The following BANK1 variants were observed in gnomAD, a reference collection of about 807,000 sequenced individuals.
BANK1 encodes B-cell scaffold protein with ankyrin repeats.
A neutral mutation model predicts 94.5 loss-of-function variants in BANK1; 95 were observed. The observed-to-expected ratio is 1.00, with a 90% CI of 0.85 to 1.19. The LOEUF (loss-of-function observed/expected upper bound fraction) is 1.19, where lower values mean the gene tolerates loss of function less well. Among genes scored for constraint, BANK1 ranks in the 50% most tolerant of loss-of-function variants. BANK1 has a pLI of 0.00. For synonymous variants in BANK1, 334 were observed against 308.4 expected, an observed-to-expected ratio of 1.08 and a Z score of -0.87; for missense variants, 987 against 932.2, an observed-to-expected ratio of 1.06 and a Z score of -0.77.
chr4:101,886,475 T>C (rs1728860373), intron 5 of BANK1, among the ~76,000 whole-genome samples: 1 of 152,244 alleles, frequency 6.6e-6, no homozygotes, highest in Non-Finnish European at 1.5e-5. Context: ...AATCATGGCA[T>C]CATTTATAGA....
chr4:101,829,387 C>G (rs1458687713), intron 1 of BANK1, among the ~76,000 whole-genome samples: 1 of 151,544 alleles, frequency 6.6e-6, no homozygotes, highest in Non-Finnish European at 1.5e-5. Context: ...ATCGTATTTT[C>G]AACAATTGTG....
At chr4:102,067,573 A>ATATT (rs1728634963) in intron 13 of BANK1, among the ~76,000 whole-genome samples, 1 of 152,044 alleles carries the variant, frequency 6.6e-6, no homozygotes. Flanking sequence ...ATAAACAAGG[A>ATATT]TATTACATAC....
chr4:101,979,284 G>A (rs1345998886), intron 7 of BANK1, among the ~76,000 whole-genome samples: 1 of 151,746 alleles, frequency 6.6e-6, no homozygotes, highest in African/African-American at 2.4e-5. Flanking sequence ...GTTTAAAATT[G>A]TATAACATTA....
chr4:101,943,438 G>A (rs1269111294), intron 7 of BANK1, among the ~76,000 whole-genome samples: 1 of 151,844 alleles, frequency 6.6e-6, no homozygotes, highest in Non-Finnish European at 1.5e-5. Context: ...AGTCCAGCCA[G>A]AGAGGCATTA....
chr4:102,073,612 A>G, intron 15 of BANK1, 72 bp from the exon 16 acceptor site: 1 of 1,389,928 alleles, frequency 7.2e-7, no homozygotes, highest in Admixed American at 1.9e-5. Flanking sequence ...TAACTTTGTC[A>G]TATTTCTTTG....
intron 3 of BANK1, 51 bp downstream of exon 3, chr4:101,855,240 G>A (rs371072186): frequency 3.1e-4 from 481 of 1,537,176 alleles, no homozygotes; most frequent in Non-Finnish European, 4.0e-4. Context: ...TTATGGTGGT[G>A]GTGGTGGTTG....
chr4:101,928,668 T>G (rs535463029), intron 7 of BANK1, among the ~76,000 whole-genome samples: 1 of 151,834 alleles, frequency 6.6e-6, no homozygotes, highest in Non-Finnish European at 1.5e-5. Flanking sequence ...AATGGGTAAC[T>G]GCATAGACTT....
At position 101,830,027 on chromosome 4, in the gene BANK1, A is replaced by G. The variant is rs1726549523; in HGVS notation, c.290A>G (p.Lys97Arg). 6 of 1,613,494 alleles carry G rather than the reference A, an allele frequency of 3.7e-6. No individual in the cohort carries two copies. The highest frequency in any genetic ancestry group is 4.2e-6 in the Non-Finnish European group (5 of 1,179,826). The change falls in exon 2 of 17, where the codon AAA becomes AGA. Residue 97 changes from lysine to arginine, a missense_variant. Transcript: ENST00000322953. ...NSLLRDLTPK[K>R]CQFLEKILHS... ...CTGCTTAGAGACCTAACTCCAAAGA[A>G]ATGTCAGTTTCTGGAAAAGATACTT...
intron 2 of BANK1, among the ~76,000 whole-genome samples, chr4:101,852,276 T>C (rs913644203): frequency 6.6e-6 from 1 of 151,692 alleles, no homozygotes; most frequent in Non-Finnish European, 1.5e-5. Context: ...ATCTTCATCA[T>C]TTCATTCCTC....
At chr4:101,802,939 C>T (rs1165876728) in intron 1 of BANK1, among the ~76,000 whole-genome samples, 1 of 152,000 alleles carries the variant, frequency 6.6e-6, no homozygotes, top group Non-Finnish European at 1.5e-5. Context: ...TTGCCCAAAC[C>T]GTGTTCTGTA....
In BANK1 at chr4:101,895,426, C is replaced by G. The variant is rs765097400; in HGVS notation, c.1009+16C>G. ...CAAAACAAATGTGAGTATTTTCCAG[C>G]TGCATCAATTATTCTTTTTATCACA... On this transcript the variant is annotated intron_variant, in intron 6 of 16. Coordinates refer to ENST00000322953, the MANE Select transcript of BANK1 (RefSeq NM_017935.5). 1.4e-6 allele frequency: 2 copies of G among 1,409,484 alleles called. No homozygotes were observed. The highest frequency in any genetic ancestry group is 1.8e-5 in the Admixed American group (1 of 56,040). The allele number at this position is 1,409,484 out of a possible 1,614,324, so 87.3% of individuals were successfully genotyped here. A position where few individuals can be genotyped will look rare whatever the true frequency, so the allele number is the denominator to read the frequency against.
At chr4:101,962,696 T>C (rs1724611532) in intron 7 of BANK1, among the ~76,000 whole-genome samples, 1 of 152,140 alleles carries the variant, frequency 6.6e-6, no homozygotes, top group Non-Finnish European at 1.5e-5. Context: ...CCTTAACCAA[T>C]TAAAACCATG....
At chr4:102,013,628 G>A (rs1726591055) in intron 7 of BANK1, among the ~76,000 whole-genome samples, 1 of 151,802 alleles carries the variant, frequency 6.6e-6, no homozygotes, top group Non-Finnish European at 1.5e-5. Context: ...CATCTGTCAG[G>A]TGTGATTTCT....
intron 11 of BANK1, among the ~76,000 whole-genome samples, chr4:102,058,354 C>T (rs1158141312): frequency 1.3e-5 from 2 of 151,992 alleles, no homozygotes; most frequent in African/African-American, 4.8e-5. Context: ...TACCTTAAAG[C>T]TTTTACACTA....
At chr4:101,800,134 G>A (rs1183285664) in intron 1 of BANK1, among the ~76,000 whole-genome samples, 1 of 63,604 alleles carries the variant, frequency 1.6e-5, no homozygotes, top group African/African-American at 5.9e-5. Flanking sequence ...TTTGTTGTTG[G>A]GTGGGGGGAG....
chr4:102,056,497 A>C (rs771054098), intron 11 of BANK1, among the ~76,000 whole-genome samples: 1 of 152,168 alleles, frequency 6.6e-6, no homozygotes, highest in African/African-American at 2.4e-5. Context: ...CTTAGGCTAC[A>C]TGACTAAGAG....
intron 1 of BANK1, among the ~76,000 whole-genome samples, chr4:101,796,541 G>A (rs887175497): frequency 1.8e-4 from 27 of 152,094 alleles, no homozygotes; most frequent in Admixed American, 2.6e-4. Flanking sequence ...AGCATATTTC[G>A]AGAGTCCTGC....
chr4:102,060,497 A>G, intron 12 of BANK1, 108 bp downstream of exon 12: 1 of 1,172,488 alleles, frequency 8.5e-7, no homozygotes, highest in South Asian at 1.5e-5. Flanking sequence ...TTCATTTTTA[A>G]CTAGCCACTA....
intron 1 of BANK1, among the ~76,000 whole-genome samples, chr4:101,807,807 G>C (rs1053169893): frequency 6.6e-6 from 1 of 152,138 alleles, no homozygotes; most frequent in Admixed American, 6.5e-5. Context: ...AGGGCCGGGC[G>C]TGGTGGCTCA....
Sources: gnomAD v4.1 joint callset for allele counts (sites outside exome capture counted in the v4.1 genomes callset) on GRCh38, gnomAD v4.1.1 for gene constraint, MANE v1.5 for transcripts, NCBI Gene and HGNC (gene_info 2026-07-23, HGNC 2026-07-21) for gene names.